Variants in TRAF3 observed in about 807,000 individuals in gnomAD.
The protein encoded by TRAF3 is TNF receptor-associated factor 3.
A neutral mutation model predicts 62.3 loss-of-function variants in TRAF3; 13 were observed. That is an observed-to-expected ratio of 0.21 (90% confidence interval 0.14 to 0.33). The LOEUF is 0.33. Among genes scored for constraint, TRAF3 ranks in the 10% least tolerant of loss-of-function variants. The pLI is 1.00. For synonymous variants in TRAF3, 269 were observed against 283.4 expected, an observed-to-expected ratio of 0.95 and a Z score of 0.51; for missense variants, 440 against 741.8, an observed-to-expected ratio of 0.59 and a Z score of 4.73.
At chr14:102,786,611 C>T (rs907397896) in intron 1 of TRAF3, among the ~76,000 whole-genome samples, 3 of 151,914 alleles carry the variant, frequency 2.0e-5, no homozygotes, top group Non-Finnish European at 2.9e-5. Flanking sequence ...TGCTTGAACC[C>T]GGGAGGCAGA....
At chr14:102,864,919 C>CT (rs1887894225) in intron 2 of TRAF3, among the ~76,000 whole-genome samples, 1 of 152,202 alleles carries the variant, frequency 6.6e-6, no homozygotes. Context: ...TTGTTACTGT[C>CT]TGCCTCTGAG....
At chr14:102,820,330 A>G (rs545649895) in intron 1 of TRAF3, among the ~76,000 whole-genome samples, 3 of 152,092 alleles carry the variant, frequency 2.0e-5, no homozygotes, top group East Asian at 1.9e-4. Context: ...GCTGCAGACC[A>G]GGAGCGCTGC....
intron 1 of TRAF3, among the ~76,000 whole-genome samples, chr14:102,778,151 C>T (rs1324990086): frequency 6.6e-6 from 1 of 151,006 alleles, no homozygotes; most frequent in Non-Finnish European, 1.5e-5. Flanking sequence ...CTGAGTCATT[C>T]CGCCTCAGAG....
chr14:102,837,086 A>T (rs1886055624), intron 2 of TRAF3, among the ~76,000 whole-genome samples: 2 of 150,806 alleles, frequency 1.3e-5, no homozygotes, highest in South Asian at 4.2e-4. Flanking sequence ...CTCAATTTTC[A>T]TATTAGAGTA....
chr14:102,869,699 G>A (rs1311500310), intron 2 of TRAF3, among the ~76,000 whole-genome samples: 3 of 151,808 alleles, frequency 2.0e-5, no homozygotes, highest in Admixed American at 1.3e-4. Context: ...TCAGCTACTC[G>A]GGAGGCTGAG....
chr14:102,813,817 A>G (rs1267478886), intron 1 of TRAF3, among the ~76,000 whole-genome samples: 2 of 152,064 alleles, frequency 1.3e-5, no homozygotes, highest in African/African-American at 2.4e-5. Flanking sequence ...TTGTATATCA[A>G]TCCCCTGTTG....
At chr14:102,877,363 T>C (rs1047872068) in intron 6 of TRAF3, among the ~76,000 whole-genome samples, 1 of 145,378 alleles carries the variant, frequency 6.9e-6, no homozygotes, top group South Asian at 2.2e-4. Flanking sequence ...AGATAATCCA[T>C]TCCACAGGCC....
intron 2 of TRAF3, among the ~76,000 whole-genome samples, chr14:102,842,743 C>T (rs1421671198): frequency 6.6e-6 from 1 of 152,126 alleles, no homozygotes; most frequent in African/African-American, 2.4e-5. Flanking sequence ...AGACACATTA[C>T]AGAGGAATAC....
At chr14:102,884,075 AT>A (rs1230620233) in intron 6 of TRAF3, among the ~76,000 whole-genome samples, 3 of 152,210 alleles carry the variant, frequency 2.0e-5, no homozygotes, top group African/African-American at 7.2e-5. Context: ...CAAAAAACAA[AT>A]TTATCCTGTC....
intron 11 of TRAF3, among the ~76,000 whole-genome samples, chr14:102,904,441 TGAGGCAG>T (rs1255310740): frequency 6.6e-6 from 1 of 152,220 alleles, no homozygotes; most frequent in African/African-American, 2.4e-5. Context: ...TTTGGGAGGC[TGAGGCAG>T]GAGGATTACT....
intron 1 of TRAF3, among the ~76,000 whole-genome samples, chr14:102,793,100 TGC>T (rs1897892331): frequency 5.9e-5 from 9 of 152,266 alleles, no homozygotes; most frequent in Admixed American, 4.6e-4. Flanking sequence ...CATGAGCCAC[TGC>T]ACCCTGCCTG....
chr14:102,803,053 A>C (rs952798586), intron 1 of TRAF3, among the ~76,000 whole-genome samples: 3 of 152,138 alleles, frequency 2.0e-5, no homozygotes, highest in Non-Finnish European at 4.4e-5. Context: ...TGTCACAAGA[A>C]CAGGATGGTG....
rs1897062655 is a variant in TRAF3 at position 102,777,574 on chromosome 14, C to G, written c.-258C>G. ...AGCCGCGGCGGCCGCCGGCTCTTCC[C>G]CGCCCCCCGCCATGGGGCAGCCCGG... On this transcript the variant is annotated 5_prime_UTR_variant, in exon 1 of 12. Transcript: ENST00000392745. 1 of 145,256 alleles carries G rather than the reference C, an allele frequency of 6.9e-6. No individual in the cohort carries two copies. The highest frequency in any genetic ancestry group is 2.0e-4 in the East Asian group (1 of 4,904). 9.0% of individuals were successfully genotyped at this position (145,256 alleles called of 1,614,324 possible).
chr14:102,824,748 T>C (rs1595333725), intron 1 of TRAF3, among the ~76,000 whole-genome samples: 1 of 152,356 alleles, frequency 6.6e-6, no homozygotes, highest in East Asian at 1.9e-4. Flanking sequence ...ATTACTACTA[T>C]TTAATAAAGG....
At chr14:102,787,240 A>G (rs1234311474) in intron 1 of TRAF3, among the ~76,000 whole-genome samples, 2 of 152,248 alleles carry the variant, frequency 1.3e-5, no homozygotes, top group African/African-American at 4.8e-5. Context: ...TAAAATGTCT[A>G]GAAACTGAAA....
intron 1 of TRAF3, among the ~76,000 whole-genome samples, chr14:102,813,805 C>G (rs924604972): frequency 6.6e-6 from 1 of 151,838 alleles, no homozygotes; most frequent in Non-Finnish European, 1.5e-5. Flanking sequence ...TGTGTGAGTT[C>G]CTTGTATATC....
At chr14:102,872,970 G>A (rs1888430119) in intron 4 of TRAF3, among the ~76,000 whole-genome samples, 1 of 152,176 alleles carries the variant, frequency 6.6e-6, no homozygotes, top group Non-Finnish European at 1.5e-5. Flanking sequence ...GGGATTACAG[G>A]CATGAGCCAC....
In TRAF3 at chr14:102,834,309, A is replaced by T. The variant is rs148856601; in HGVS notation, c.-18+3837A>T. ...AAGGCTGCACACCTACAACCATCTC[A>T]TCTTCGACAAAGCTGACAAAAGCAG... On this transcript the variant is annotated intron_variant, in intron 2 of 11. Transcript: ENST00000392745. Among the ~76,000 whole-genome samples, 1,385 of 152,262 alleles carry T rather than the reference A, an allele frequency of 9.1e-3. 17 individuals carry two copies. Among genetic ancestry groups the T allele is most frequent in the African/African-American group, 0.03 (1,262 of 41,538 alleles).
chr14:102,911,029 C>CTCTGCCGGTGCCTCTGT lies in TRAF3; in HGVS notation c.*5248_*5264dup, dbSNP rs1890843129. On this transcript the variant is annotated 3_prime_UTR_variant, in exon 12 of 12. Coordinates refer to ENST00000392745, the MANE Select transcript of TRAF3 (RefSeq NM_145725.3). The stretch of plus-strand genomic sequence containing the variant: ...AGCATCTGCAGATTCGCAGCCTCTT[C>CTCTGCCGGTGCCTCTGT]TCTGCCGGTGCCTCTGTTCGGTTCT... 1 of 152,252 alleles carries CTCTGCCGGTGCCTCTGT rather than the reference C, an allele frequency of 6.6e-6. No individual in the cohort carries two copies. The highest frequency in any genetic ancestry group is 1.5e-5 in the Non-Finnish European group (1 of 68,050). 9.4% of individuals were successfully genotyped at this position (152,252 alleles called of 1,614,324 possible).
Sources: allele counts gnomAD v4.1 joint callset (sites outside exome capture counted in the v4.1 genomes callset), GRCh38; gene constraint gnomAD v4.1.1; transcripts MANE v1.5; gene names NCBI Gene and HGNC (gene_info 2026-07-23, HGNC 2026-07-21).